DHRS2: variants seen among roughly 807,000 people sequenced by gnomAD.
DHRS2 encodes the protein dehydrogenase/reductase SDR family member 2, mitochondrial.
DHRS2 carries 29 observed loss-of-function variants against 26.3 expected under a neutral mutation model. The observed-to-expected ratio is 1.10, with a 90% CI of 0.82 to 1.50. The LOEUF is 1.50. Among genes scored for constraint, DHRS2 ranks in the 40% most tolerant of loss-of-function variants. The pLI is 0.00. For missense variants in DHRS2, 439 were observed against 367.1 expected, an observed-to-expected ratio of 1.20 and a Z score of -1.60; for synonymous variants, 164 against 151.3, an observed-to-expected ratio of 1.08 and a Z score of -0.62.
upstream of DHRS2, among the ~76,000 whole-genome samples, chr14:23,632,314 G>C (rs1418975868): frequency 6.6e-6 from 1 of 152,194 alleles, no homozygotes; most frequent in African/African-American, 2.4e-5. Flanking sequence ...CCAATCAGGA[G>C]CTGAAACCCC....
chr14:23,631,767 T>A (rs907296690), upstream of DHRS2, among the ~76,000 whole-genome samples: 1 of 152,176 alleles, frequency 6.6e-6, no homozygotes, highest in African/African-American at 2.4e-5. Flanking sequence ...TCAATTCTGC[T>A]GCAGCTGACC....
chr14:23,633,968 T>C (rs915679724), upstream of DHRS2, among the ~76,000 whole-genome samples: 3 of 151,698 alleles, frequency 2.0e-5, no homozygotes, highest in Non-Finnish European at 4.4e-5. Flanking sequence ...ACATAGGTGA[T>C]ATAATATATC....
At chr14:23,639,140 A>T (rs1349409604) in intron 2 of DHRS2, 39 bp from the exon 3 acceptor site, 1 of 1,605,960 alleles carries the variant, frequency 6.2e-7, no homozygotes, top group South Asian at 1.1e-5. Flanking sequence ...CAGTGGAGAG[A>T]GGCTGAGGCT....
At position 23,639,210 on chromosome 14, in the gene DHRS2, C is replaced by T. The variant is rs74036809; in HGVS notation, c.172C>T (p.Arg58Trp). 73 of 1,613,836 alleles carry T rather than the reference C, an allele frequency of 4.5e-5. No homozygotes were observed. Among genetic ancestry groups the T allele is most frequent in the South Asian group, 1.4e-4 (13 of 91,042 alleles). Residue 58 changes from arginine (R) to tryptophan (W), a missense_variant, in exon 3 of 9, where the codon CGG becomes TGG. By Grantham distance (101) the Arg-to-Trp change is moderately radical. Coordinates refer to ENST00000250383, the MANE Select transcript of DHRS2 (RefSeq NM_005794.4). ...CTTTGCCATCGCCCGACGTCTGGCCCGGGACGGGGCCCACGTGGTCATCAG... is the reference window on the plus strand; with the variant it reads ...CTTTGCCATCGCCCGACGTCTGGCCTGGGACGGGGCCCACGTGGTCATCAG... ...IGFAIARRLA[R>W]DGAHVVISSR...
At position 23,644,879 on chromosome 14, in the gene DHRS2, A is replaced by C. The variant is rs139056653; in HGVS notation, c.728A>C (p.Gln243Pro). 1 of 1,614,228 alleles carries C rather than the reference A, an allele frequency of 6.2e-7. No individual in the cohort carries two copies. The highest frequency in any genetic ancestry group is 8.5e-7 in the Non-Finnish European group (1 of 1,180,028). ...AACTTCAAGGAACATCATCAGCTGC[A>C]GAGGCAAGTGGGGTTTGGAGATTTG... is the stretch of plus-strand genomic sequence containing the variant. ...WKNFKEHHQL[Q>P]RIGESEDCAG... Residue 243 changes from glutamine (Q) to proline (P), a missense_variant, in exon 8 of 9, where the codon CAG (glutamine) becomes CCG (proline). Coordinates refer to ENST00000250383, the MANE Select transcript of DHRS2 (RefSeq NM_005794.4).
upstream of DHRS2, among the ~76,000 whole-genome samples, chr14:23,631,868 A>G (rs563844348): frequency 6.6e-6 from 1 of 152,174 alleles, no homozygotes; most frequent in Non-Finnish European, 1.5e-5. Flanking sequence ...CTCCCAGGCA[A>G]AAGAGGGGCT....
rs550157001 is a variant in DHRS2, at chr14:23,644,473, A to G, written c.605A>G (p.Glu202Gly). The stretch of plus-strand genomic sequence containing the variant: ...GGTCTCACTAGAACACTGGCATTGG[A>G]GCTGGCCCCCAAGGACATCCGGGTA... ...LLGLTRTLAL[E>G]LAPKDIRVNC... Residue 202 changes from glutamate to glycine, a missense_variant, in exon 7 of 9, where the codon GAG (glutamate) becomes GGG (glycine). Physicochemically the swap from Glu to Gly is moderately conservative, Grantham distance 98. Transcript: ENST00000250383. 178 of 1,614,174 alleles carry G rather than the reference A, an allele frequency of 1.1e-4. No homozygotes were observed. The South Asian group carries it at 1.8e-3, about 17-fold the overall frequency.
upstream of DHRS2, among the ~76,000 whole-genome samples, chr14:23,632,663 A>C (rs1873093709): frequency 6.6e-6 from 1 of 152,162 alleles, no homozygotes; most frequent in African/African-American, 2.4e-5. Flanking sequence ...TGAGTTATGC[A>C]AGAGTTGCTA....
upstream of DHRS2, among the ~76,000 whole-genome samples, chr14:23,632,645 G>T (rs1241848091): frequency 6.6e-6 from 1 of 152,178 alleles, no homozygotes; most frequent in African/African-American, 2.4e-5. Context: ...CCCCTAACTC[G>T]AAGGAACTGA....
chr14:23,641,574 G>T, intron 4 of DHRS2: 1 of 1,277,844 alleles, frequency 7.8e-7, no homozygotes, highest in Non-Finnish European at 1.0e-6. Flanking sequence ...GATGCACATG[G>T]AGTATTGGAC....
At chr14:23,640,413 T>C in intron 4 of DHRS2, 1 of 985,466 alleles carries the variant, frequency 1.0e-6, no homozygotes, top group South Asian at 4.7e-5. Flanking sequence ...TTCCGGGGGC[T>C]TAGACATCCC....
chr14:23,637,005 T>A (rs898379792), intron 1 of DHRS2, among the ~76,000 whole-genome samples: 1 of 152,184 alleles, frequency 6.6e-6, no homozygotes, highest in African/African-American at 2.4e-5. Flanking sequence ...ACTTCTGGGC[T>A]GAGCTGAGGG....
chr14:23,632,252 A>AG (rs1214939979), upstream of DHRS2, among the ~76,000 whole-genome samples: 8 of 152,272 alleles, frequency 5.3e-5, no homozygotes, highest in Admixed American at 2.6e-4. Flanking sequence ...GGAGTTCCCC[A>AG]GGGGGGGCAT....
At chr14:23,630,507 G>A (rs980316818) in intron 1 of DHRS2, among the ~76,000 whole-genome samples, 3 of 152,224 alleles carry the variant, frequency 2.0e-5, no homozygotes, top group Non-Finnish European at 4.4e-5. Flanking sequence ...TACAGATGGA[G>A]GCAAGAGGGG....
intron 5 of DHRS2, 130 bp downstream of exon 5, chr14:23,643,349 C>T: frequency 1.3e-6 from 1 of 792,150 alleles, no homozygotes; most frequent in Non-Finnish European, 2.1e-6. Context: ...CCCTCATCTT[C>T]TTGTCCTGCC....
intron 1 of DHRS2, among the ~76,000 whole-genome samples, chr14:23,630,839 T>C (rs1339481935): frequency 6.6e-6 from 1 of 152,220 alleles, no homozygotes. Context: ...GATTTTCTGA[T>C]TGGCAAGTGG....
At chr14:23,644,297 C>G in intron 6 of DHRS2, 112 bp from the exon 7 acceptor site, 1 of 1,562,372 alleles carries the variant, frequency 6.4e-7, no homozygotes. Flanking sequence ...GAGCTTGTCT[C>G]CATGTGGGTG....
upstream of DHRS2, among the ~76,000 whole-genome samples, chr14:23,631,517 C>T (rs1285712005): frequency 6.6e-6 from 1 of 152,026 alleles, no homozygotes; most frequent in East Asian, 1.9e-4. Context: ...GTCTCTCATT[C>T]TTTCTCCTCT....
chr14:23,642,905 G>T (rs921922649), intron 4 of DHRS2: 9 of 387,700 alleles, frequency 2.3e-5, no homozygotes, highest in African/African-American at 1.4e-4. Context: ...TTCCTTCCTC[G>T]TGTCAGTCCT....
Sources: gnomAD v4.1 joint callset for allele counts (sites outside exome capture counted in the v4.1 genomes callset) on GRCh38, gnomAD v4.1.1 for gene constraint, MANE v1.5 for transcripts, NCBI Gene and HGNC (gene_info 2026-07-23, HGNC 2026-07-21) for gene names.